PEX11G: variants seen among roughly 807,000 people sequenced by gnomAD.
PEX11G encodes peroxisomal biogenesis factor 11 gamma, also known as peroxisomal membrane protein 11C.
PEX11G carries 20 observed loss-of-function variants against 22.5 expected under a neutral mutation model. The observed-to-expected ratio is 0.89, with a 90% confidence interval of 0.62 to 1.29. The LOEUF (loss-of-function observed/expected upper bound fraction) is 1.29. Among genes scored for constraint, PEX11G ranks in the 50% most tolerant of loss-of-function variants. PEX11G has a pLI of 0.00. For missense variants in PEX11G, 347 were observed against 331.3 expected, an observed-to-expected ratio of 1.05 and a Z score of -0.37; for synonymous variants, 141 against 154.5, an observed-to-expected ratio of 0.91 and a Z score of 0.65.
chr19:7,490,048 G>A (rs1325855773), upstream of PEX11G, among the ~76,000 whole-genome samples: 1 of 151,962 alleles, frequency 6.6e-6, no homozygotes, highest in Non-Finnish European at 1.5e-5. Flanking sequence ...GGTAGAGTCG[G>A]GGTTTCACCA....
intron 2 of PEX11G, among the ~76,000 whole-genome samples, chr19:7,485,078 G>A (rs2021575772): frequency 6.6e-6 from 1 of 152,100 alleles, no homozygotes; most frequent in Admixed American, 6.5e-5. Flanking sequence ...GACCACCTGA[G>A]CCCAGGAGTT....
At position 7,477,205 on chromosome 19, in the gene PEX11G, G is replaced by T; in HGVS notation, c.723C>A (p.Pro241=). ...TCCCTGTGCTCTTCCGGCAGTGTCAGGGGGTAGTGGCCTCGGCCTGGCCGC... is the reference window on the plus strand; with the variant it reads ...TCCCTGTGCTCTTCCGGCAGTGTCATGGGGTAGTGGCCTCGGCCTGGCCGC... ...RAGGQAEATT[P] The change falls in exon 5 of 5, where the codon CCC becomes CCA. Residue 241 remains proline (P), a synonymous_variant. Coordinates refer to ENST00000221480, the MANE Select transcript of PEX11G (RefSeq NM_080662.4). 6.7e-7 allele frequency: 1 copy of T among 1,493,212 alleles called. No individual in the cohort carries two copies. The highest frequency in any genetic ancestry group is 8.9e-7 in the Non-Finnish European group (1 of 1,124,824). The allele number at this position is 1,493,212 out of a possible 1,614,324, so 92.5% of individuals were successfully genotyped here. A position where few individuals can be genotyped will look rare whatever the true frequency, so the allele number is the denominator to read the frequency against.
At position 7,482,614 on chromosome 19, in the gene PEX11G, C is replaced by G. The variant is rs761584169; in HGVS notation, c.250-403G>C. Among the ~76,000 whole-genome samples the G allele has an allele frequency of 5.3e-5, 8 of 152,218 alleles. No homozygotes were observed. The South Asian group carries it at 1.7e-3, about 31-fold the overall frequency. ...CCAAGTTGGGAGCCCTGTGTCAGAG[C>G]CTTCCTTCCCAAAGGCTTCCAGTTC... On this transcript the variant is annotated intron_variant, in intron 2 of 4. Coordinates refer to ENST00000221480, the MANE Select transcript of PEX11G (RefSeq NM_080662.4).
chr19:7,481,952 T>A, intron 3 of PEX11G, 81 bp downstream of exon 3: 1 of 1,374,362 alleles, frequency 7.3e-7, no homozygotes, highest in Non-Finnish European at 9.6e-7. Flanking sequence ...AAGCCTGTGC[T>A]GTTGCTGGGG....
At chr19:7,489,062 G>T, upstream of PEX11G, 1 of 1,453,588 alleles carries the variant, frequency 6.9e-7, no homozygotes, top group South Asian at 1.4e-5. Flanking sequence ...AGGGGGCGGG[G>T]CCAGGCCGGG....
chr19:7,490,981 C>T (rs1433624685), upstream of PEX11G: 6 of 151,756 alleles, frequency 4.0e-5, no homozygotes, highest in African/African-American at 1.5e-4. Flanking sequence ...TGGAGTCTTA[C>T]CATGTTACCC....
At chr19:7,492,992 T>G (rs909783488), upstream of PEX11G, 1 of 152,200 alleles carries the variant, frequency 6.6e-6, no homozygotes, top group Non-Finnish European at 1.5e-5. Context: ...TCCTGGACAC[T>G]TCCTACCCAT....
intron 2 of PEX11G, among the ~76,000 whole-genome samples, chr19:7,483,594 G>A (rs562861853): frequency 6.6e-6 from 1 of 152,212 alleles, no homozygotes; most frequent in Non-Finnish European, 1.5e-5. Context: ...GCACCAGAGC[G>A]CTGTCCTAAT....
rs749841364 is a variant in PEX11G at position 7,477,466 on chromosome 19, C to CA, written c.492-31dup. On this transcript the variant is annotated intron_variant, in intron 4 of 4. Transcript: ENST00000221480. ...GGGGCAGAGAGGGGCCGCTTACACT[C>CA]ACGCTCACACCTGCCTGCCCTTCCC... is the stretch of plus-strand genomic sequence containing the variant. 1.1e-4 allele frequency: 153 copies of CA among 1,387,954 alleles called. 2 individuals carry two copies. The highest frequency in any genetic ancestry group is 4.2e-4 in the Middle Eastern group (2 of 4,766). 86.0% of individuals were successfully genotyped at this position (1,387,954 alleles called of 1,614,324 possible). A position where few individuals can be genotyped will look rare whatever the true frequency, so the allele number is the denominator to read the frequency against.
chr19:7,482,891 T>G (rs1977561926), intron 2 of PEX11G, among the ~76,000 whole-genome samples: 1 of 152,154 alleles, frequency 6.6e-6, no homozygotes, highest in African/African-American at 2.4e-5. Flanking sequence ...CTCCAGGCCC[T>G]CGAATTGCAA....
intron 2 of PEX11G, among the ~76,000 whole-genome samples, chr19:7,485,148 C>A (rs1388531947): frequency 1.3e-5 from 2 of 150,274 alleles, no homozygotes; most frequent in Non-Finnish European, 1.5e-5. Context: ...CAAAGCAAGA[C>A]CCTGTCTATA....
chr19:7,484,395 C>T (rs17159600), intron 2 of PEX11G, among the ~76,000 whole-genome samples: 33,304 of 151,582 alleles, frequency 0.22, 3,663 homozygotes, highest in African/African-American at 0.25. Flanking sequence ...GAAGCTGTAC[C>T]GTTAAGTGAA....
At chr19:7,489,115 A>C, upstream of PEX11G, 1 of 1,318,360 alleles carries the variant, frequency 7.6e-7, no homozygotes, top group South Asian at 1.7e-5. Context: ...GCGCGGCCGC[A>C]GGCCTTTGTC....
Position 7,478,302 on chromosome 19 carries a change from A to G in PEX11G, c.491+12T>C, listed in dbSNP as rs1331171894. 1.2e-6 allele frequency: 2 copies of G among 1,609,246 alleles called. No individual in the cohort carries two copies. Among genetic ancestry groups the G allele is most frequent in the Non-Finnish European group, 1.7e-6 (2 of 1,179,032 alleles). Reference sequence around the variant, plus strand: ...GAGTGGGCCTCCCTGCTGGGTGATCACGGGCTCCTACCTGGTGAAGGGCGC... The same window carrying G: ...GAGTGGGCCTCCCTGCTGGGTGATCGCGGGCTCCTACCTGGTGAAGGGCGC... On this transcript the variant is annotated intron_variant, in intron 4 of 4. Coordinates refer to ENST00000221480, the MANE Select transcript of PEX11G (RefSeq NM_080662.4).
chr19:7,489,818 CA>C (rs1376380871), upstream of PEX11G, among the ~76,000 whole-genome samples: 1 of 151,916 alleles, frequency 6.6e-6, no homozygotes, highest in Non-Finnish European at 1.5e-5. Flanking sequence ...GGTTGATCAC[CA>C]GGGACACCTT....
At chr19:7,491,732 A>G (rs1339401967), upstream of PEX11G, among the ~76,000 whole-genome samples, 1 of 152,060 alleles carries the variant, frequency 6.6e-6, no homozygotes, top group Admixed American at 6.6e-5. Flanking sequence ...AGCTCACTGC[A>G]GCCTTGAACT....
chr19:7,493,463 G>A (rs1043244384), upstream of PEX11G, among the ~76,000 whole-genome samples: 1 of 151,542 alleles, frequency 6.6e-6, no homozygotes, highest in African/African-American at 2.4e-5. Flanking sequence ...CCAAACTGCT[G>A]GGATTACAGG....
At chr19:7,485,736 T>A in intron 2 of PEX11G, 102 bp downstream of exon 2, 1 of 1,095,192 alleles carries the variant, frequency 9.1e-7, no homozygotes, top group African/African-American at 1.6e-5. Flanking sequence ...CACAAAGTGC[T>A]GGGATTACAA....
chr19:7,477,290 A>G lies in PEX11G; in HGVS notation c.638T>C (p.Leu213Pro). ...VLWAGRFPPW[L>P]VGLMGTISSI... ...GGAGATGGTGCCCATGAGGCCCACT[A>G]GCCACGGCGGGAAGCGGCCGGCCCA... is the stretch of plus-strand genomic sequence containing the variant. The change falls in exon 5 of 5, where the codon CTA (leucine) becomes CCA (proline). Residue 213 changes from leucine to proline, a missense_variant. Physicochemically the swap from Leu to Pro is moderately conservative, Grantham distance 98 (BLOSUM62 -3). Coordinates refer to ENST00000221480, the MANE Select transcript of PEX11G (RefSeq NM_080662.4). 1.9e-6 allele frequency: 3 copies of G among 1,582,970 alleles called. No homozygotes were observed. Among genetic ancestry groups the G allele is most frequent in the Non-Finnish European group, 2.6e-6 (3 of 1,166,216 alleles).
Sources: allele counts gnomAD v4.1 joint callset (sites outside exome capture counted in the v4.1 genomes callset), GRCh38; gene constraint gnomAD v4.1.1; transcripts MANE v1.5; gene names NCBI Gene and HGNC (gene_info 2026-07-23, HGNC 2026-07-21).